The following ATP10A variants were observed in gnomAD, a reference collection of about 807,000 sequenced individuals.
The protein encoded by ATP10A is ATPase phospholipid transporting 10A (putative), also known as phospholipid-transporting ATPase VA.
Under a neutral mutation model 147.8 loss-of-function variants are expected in ATP10A, and 111 were observed. The observed-to-expected ratio is 0.75, with a 90% CI of 0.64 to 0.88. The LOEUF is 0.88. Among genes scored for constraint, ATP10A ranks in the 40% least tolerant of loss-of-function variants. ATP10A has a pLI of 0.00. For missense variants in ATP10A, 1,927 were observed against 1,959.0 expected (o/e 0.98, Z 0.31); for synonymous variants, 875 against 841.6 (o/e 1.04, Z -0.69).
Position 25,862,450 on chromosome 15 carries a change from C to G in ATP10A, c.449+198G>C, listed in dbSNP as rs151205392. The G allele has an allele frequency of 8.4e-3, 5,850 of 694,710 alleles. 146 individuals are homozygous for G. The highest frequency in any genetic ancestry group is 0.069 in the Admixed American group (2,911 of 42,368). The allele number at this position is 694,710 out of a possible 1,614,324, so 43.0% of individuals were successfully genotyped here. A position where few individuals can be genotyped will look rare whatever the true frequency, so the allele number is the denominator to read the frequency against. On this transcript the variant is annotated intron_variant, in intron 1 of 20. Coordinates refer to ENST00000555815, the MANE Select transcript of ATP10A (RefSeq NM_024490.4). ...CCCCGCATCCAGGGCGCCCCTTTAG[C>G]TGCGGCGGAGGCACAGAGAGGCCTT...
intron 1 of ATP10A, among the ~76,000 whole-genome samples, chr15:25,794,675 G>A (rs941010533): frequency 1.3e-5 from 2 of 152,220 alleles, no homozygotes; most frequent in African/African-American, 4.8e-5. Context: ...CAGCAGCAGT[G>A]CCCTCGCGAA....
intron 1 of ATP10A, among the ~76,000 whole-genome samples, chr15:25,822,802 G>A (rs188232596): frequency 1.9e-4 from 29 of 152,194 alleles, no homozygotes; most frequent in Admixed American, 1.8e-3. Flanking sequence ...TCAATTCACC[G>A]TTGAATCAAT....
At chr15:25,830,212 T>G (rs561038609) in intron 1 of ATP10A, among the ~76,000 whole-genome samples, 412 of 152,212 alleles carry the variant, frequency 2.7e-3, no homozygotes, top group African/African-American at 9.3e-3. Context: ...GGTGCAGCCA[T>G]GCAGCGCTGG....
At position 25,679,572 on chromosome 15, in the gene ATP10A, C is replaced by T. The variant is rs372146735; in HGVS notation, c.4269G>A (p.Val1423=). ...GGCTGAAGAGGGAAGACAGGGGGGT[C>T]ACCCTGCCGGTGCTGGCAGCTCTCA... The part of the protein sequence containing the change: ...SKVRAASTGR[V]TPLSSLFSLP... The change falls in exon 21 of 21, where the codon GTG becomes GTA. Residue 1423 remains valine, a synonymous_variant. Transcript: ENST00000555815. 1.2e-6 allele frequency: 2 copies of T among 1,610,942 alleles called. No individual in the cohort carries two copies. The highest frequency in any genetic ancestry group is 1.7e-6 in the Non-Finnish European group (2 of 1,177,696).
chr15:25,842,711 C>T (rs1220406682), intron 1 of ATP10A, among the ~76,000 whole-genome samples: 1 of 151,918 alleles, frequency 6.6e-6, no homozygotes, highest in Admixed American at 6.6e-5. Context: ...TCTTTGACTC[C>T]ATAATCAAGC....
chr15:25,852,765 C>A (rs889008749), intron 1 of ATP10A, among the ~76,000 whole-genome samples: 1 of 152,146 alleles, frequency 6.6e-6, no homozygotes, highest in Non-Finnish European at 1.5e-5. Context: ...ACAGTGAATT[C>A]CCCTAAAACT....
intron 15 of ATP10A, 41 bp downstream of exon 15, chr15:25,691,674 A>C: frequency 1.9e-6 from 3 of 1,602,808 alleles, no homozygotes; most frequent in Non-Finnish European, 2.6e-6. Flanking sequence ...AGAGGTCAGT[A>C]GGGCCAATTG....
chr15:25,720,296 C>T (rs1902131999), intron 7 of ATP10A, among the ~76,000 whole-genome samples: 1 of 152,140 alleles, frequency 6.6e-6, no homozygotes. Flanking sequence ...CTTTGCTTGC[C>T]TATCATGTTT....
At chr15:25,824,958 T>C (rs972417323) in intron 1 of ATP10A, among the ~76,000 whole-genome samples, 2 of 152,014 alleles carry the variant, frequency 1.3e-5, no homozygotes, top group Middle Eastern at 3.5e-3. Flanking sequence ...CCCAGGAGTC[T>C]GAGGTTGCAG....
intron 1 of ATP10A, among the ~76,000 whole-genome samples, chr15:25,851,778 A>G (rs2140911311): frequency 6.6e-6 from 1 of 152,302 alleles, no homozygotes; most frequent in African/African-American, 2.4e-5. Flanking sequence ...GGCACAATTC[A>G]GTGTCTTAGC....
At chr15:25,783,203 G>C (rs907131459) in intron 1 of ATP10A, among the ~76,000 whole-genome samples, 6 of 151,936 alleles carry the variant, frequency 3.9e-5, no homozygotes, top group African/African-American at 1.5e-4. Context: ...CTGTCCTCTG[G>C]GTGATACTGT....
intron 13 of ATP10A, 115 bp from the exon 14 acceptor site, chr15:25,695,261 C>T (rs973813511): frequency 5.4e-5 from 52 of 971,060 alleles, no homozygotes; most frequent in African/African-American, 3.8e-4. Context: ...CTGCAGTACC[C>T]GCCTGCCCAG....
intron 1 of ATP10A, among the ~76,000 whole-genome samples, chr15:25,788,198 A>C (rs999646658): frequency 2.0e-5 from 3 of 152,236 alleles, no homozygotes; most frequent in Non-Finnish European, 4.4e-5. Context: ...AGCACTAAAC[A>C]GCTGGCTTTG....
At chr15:25,734,221 T>TG (rs200072339) in intron 3 of ATP10A, among the ~76,000 whole-genome samples, 2,420 of 152,342 alleles carry the variant, frequency 0.016, 66 homozygotes, top group African/African-American at 0.055. Context: ...CTAGGCTCTG[T>TG]GGATCCAGCA....
intron 10 of ATP10A, among the ~76,000 whole-genome samples, chr15:25,711,535 C>A (rs1156625650): frequency 6.6e-6 from 1 of 152,150 alleles, no homozygotes; most frequent in Non-Finnish European, 1.5e-5. Flanking sequence ...ACTTCCTGAA[C>A]CTTAACCTGC....
intron 2 of ATP10A, among the ~76,000 whole-genome samples, chr15:25,747,406 A>G (rs1238982790): frequency 1.3e-5 from 2 of 152,066 alleles, no homozygotes; most frequent in Non-Finnish European, 2.9e-5. Context: ...AGGAATACTA[A>G]AAGGAGAAAT....
chr15:25,696,091 G>A lies in ATP10A; in HGVS notation c.2761-945C>T, dbSNP rs1009053475. ...CCGTCTCCAGGAACAAACACGCTCCGGGGAGCCTGGGCAGCTCCTGATCCT... is the reference window on the plus strand; with the variant it reads ...CCGTCTCCAGGAACAAACACGCTCCAGGGAGCCTGGGCAGCTCCTGATCCT... On this transcript the variant is annotated intron_variant, in intron 13 of 20. Coordinates refer to ENST00000555815, the MANE Select transcript of ATP10A (RefSeq NM_024490.4). Among the ~76,000 whole-genome samples the A allele has an allele frequency of 1.8e-4, 27 of 152,144 alleles. 1 individual carries two copies. Among genetic ancestry groups the A allele is most frequent in the Admixed American group, 1.5e-3 (23 of 15,272 alleles).
intron 1 of ATP10A, among the ~76,000 whole-genome samples, chr15:25,792,877 T>TTTTTC (rs1236641967): frequency 3.3e-5 from 5 of 150,306 alleles, no homozygotes; most frequent in African/African-American, 4.9e-5. Flanking sequence ...TTCAATCTTT[T>TTTTTC]TTTTTTTTTT....
intron 18 of ATP10A, 37 bp downstream of exon 18, chr15:25,680,957 A>G (rs1899375381): frequency 6.2e-7 from 1 of 1,613,760 alleles, no homozygotes. Context: ...CCCCGGATCC[A>G]GCTGGTAAGA....
Sources: allele counts gnomAD v4.1 joint callset (sites outside exome capture counted in the v4.1 genomes callset), GRCh38; gene constraint gnomAD v4.1.1; transcripts MANE v1.5; gene names NCBI Gene and HGNC (gene_info 2026-07-23, HGNC 2026-07-21).